Variants in PDE5A observed in about 807,000 individuals in gnomAD.
PDE5A encodes phosphodiesterase 5A.
PDE5A carries 67 observed loss-of-function variants against 110.2 expected under a neutral mutation model. The ratio of observed to expected loss-of-function variants is 0.61; its 90% CI spans 0.50 to 0.75. The LOEUF (loss-of-function observed/expected upper bound fraction) is 0.75. PDE5A is among the 30% of genes least tolerant of loss of function. The pLI is 0.00. For missense variants in PDE5A, 862 were observed against 1,045.1 expected, an observed-to-expected ratio of 0.82 and a Z score of 2.42; for synonymous variants, 328 against 351.2, an observed-to-expected ratio of 0.93 and a Z score of 0.74.
chr4:119,584,517 AAAC>A (rs1369597027), intron 3 of PDE5A, among the ~76,000 whole-genome samples: 10 of 152,324 alleles, frequency 6.6e-5, no homozygotes, highest in African/African-American at 1.9e-4. Flanking sequence ...TCCTGCCTCT[AAAC>A]AAAGTACTCT....
chr4:119,545,606 A>C (rs1727104622), intron 9 of PDE5A, among the ~76,000 whole-genome samples: 1 of 152,208 alleles, frequency 6.6e-6, no homozygotes. Flanking sequence ...TGTGGTCATC[A>C]CAGTAGGTCT....
At chr4:119,515,895 C>G (rs1360091650) in intron 14 of PDE5A, among the ~76,000 whole-genome samples, 1 of 152,144 alleles carries the variant, frequency 6.6e-6, no homozygotes, top group Non-Finnish European at 1.5e-5. Flanking sequence ...GCATTTATTA[C>G]ACACTGCAGT....
At chr4:119,606,627 A>C in intron 2 of PDE5A, 82 bp downstream of exon 2, 1 of 871,734 alleles carries the variant, frequency 1.1e-6, no homozygotes, top group Non-Finnish European at 1.8e-6. Context: ...CATGATTGCT[A>C]TCCAATGCCC....
chr4:119,568,130 C>T lies in PDE5A; in HGVS notation c.832-986G>A, dbSNP rs540846733. ...GTTTTCTAGTCTTCTTAACATTTTT[C>T]TCTCTCTCTCTCTTTTTTTTTTGCC... On this transcript the variant is annotated intron_variant, in intron 3 of 20. Transcript: ENST00000354960. Among the ~76,000 whole-genome samples, 5 of 150,926 alleles carry T rather than the reference C, an allele frequency of 3.3e-5. No individual in the cohort carries two copies. In the East Asian group the frequency reaches 5.8e-4, roughly 18 times the overall value.
In PDE5A at chr4:119,553,409, TTATTAA is replaced by T. The variant is rs545493268; in HGVS notation, c.1308+223_1308+228del. Among the ~76,000 whole-genome samples, 20 of 152,232 alleles carry T rather than the reference TTATTAA, an allele frequency of 1.3e-4. No homozygotes were observed. In the East Asian group the frequency reaches 3.9e-3, roughly 29 times the overall value. The stretch of plus-strand genomic sequence containing the variant: ...ATTACTTCAAAAATAGTACGGTAAC[TTATTAA>T]TAGACATTTAAAAAGGTGAAAAAAG... On this transcript the variant is annotated intron_variant, in intron 8 of 20. Coordinates refer to ENST00000354960, the MANE Select transcript of PDE5A (RefSeq NM_001083.4).
In PDE5A at chr4:119,495,758, A is replaced by G. The variant is rs562679268; in HGVS notation, c.*2843T>C. On this transcript the variant is annotated 3_prime_UTR_variant, in exon 21 of 21. Coordinates refer to ENST00000354960, the MANE Select transcript of PDE5A (RefSeq NM_001083.4). ...TTTGTACCTTGAAGCAATATACTCA[A>G]TGAGCTCTAAATCTCACATTCACTA... 4.4e-4 allele frequency: 67 copies of G among 152,344 alleles called. 1 individual carries two copies. The highest frequency in any genetic ancestry group is 4.4e-3 in the Admixed American group (67 of 15,280). The allele number at this position is 152,344 out of a possible 1,614,324, so 9.4% of individuals were successfully genotyped here. A position where few individuals can be genotyped will look rare whatever the true frequency, so the allele number is the denominator to read the frequency against.
intron 3 of PDE5A, among the ~76,000 whole-genome samples, chr4:119,575,639 G>C (rs1251111585): frequency 1.3e-5 from 2 of 152,168 alleles, no homozygotes; most frequent in Non-Finnish European, 2.9e-5. Flanking sequence ...CAAATGCTGA[G>C]AGATTTTGTC....
At chr4:119,592,230 C>T (rs532640469) in intron 3 of PDE5A, among the ~76,000 whole-genome samples, 6 of 142,058 alleles carry the variant, frequency 4.2e-5, no homozygotes, top group South Asian at 2.2e-4. Context: ...CTGAGGTGGG[C>T]GGATCACAAG....
chr4:119,568,831 A>ATTG (rs969880917), intron 3 of PDE5A, among the ~76,000 whole-genome samples: 14 of 152,224 alleles, frequency 9.2e-5, no homozygotes, highest in African/African-American at 3.4e-4. Context: ...AAAAGTATAC[A>ATTG]TTGATATGCT....
At position 119,552,640 on chromosome 4, in the gene PDE5A, A is replaced by G. The variant is rs1727395641; in HGVS notation, c.1309-3T>C. 3 of 1,494,952 alleles carry G rather than the reference A, an allele frequency of 2.0e-6. No individual in the cohort carries two copies. Among genetic ancestry groups the G allele is most frequent in the Non-Finnish European group, 2.7e-6 (3 of 1,109,876 alleles). The allele number at this position is 1,494,952 out of a possible 1,614,324, so 92.6% of individuals were successfully genotyped here. On this transcript the variant is annotated splice_region_variant and splice_polypyrimidine_tract_variant and intron_variant, in intron 8 of 20. Transcript: ENST00000354960. ...TTTACATTTCCTGTATTTTCAGTCTAAACAAAAATAAAAAGAACAAAACAG... is the reference window on the plus strand; with the variant it reads ...TTTACATTTCCTGTATTTTCAGTCTGAACAAAAATAAAAAGAACAAAACAG...
intron 7 of PDE5A, among the ~76,000 whole-genome samples, chr4:119,559,209 G>A (rs1053200852): frequency 7.9e-5 from 12 of 151,826 alleles, no homozygotes; most frequent in Non-Finnish European, 1.6e-4. Flanking sequence ...ACATTTTTGT[G>A]TTTTTTTAAA....
chr4:119,616,741 TAA>T (rs11324618), intron 1 of PDE5A, among the ~76,000 whole-genome samples: 114 of 149,234 alleles, frequency 7.6e-4, no homozygotes, highest in Middle Eastern at 3.4e-3. Flanking sequence ...TCGTGAATGA[TAA>T]AAAAAAAAAA....
chr4:119,628,754 G>A lies in PDE5A; in HGVS notation c.-83C>T, dbSNP rs748596664. 2 of 1,553,664 alleles carry A rather than the reference G, an allele frequency of 1.3e-6. No homozygotes were observed. Among genetic ancestry groups the A allele is most frequent in the African/African-American group, 1.4e-5 (1 of 73,796 alleles). ...TCCGTCCCTCAGAAGAACAGGACTC[G>A]GCCTCGAGACCCTCCCCCTTCGTCC... On this transcript the variant is annotated 5_prime_UTR_variant, in exon 1 of 21. Transcript: ENST00000354960.
intron 3 of PDE5A, among the ~76,000 whole-genome samples, chr4:119,589,334 G>A (rs1251949773): frequency 2.0e-5 from 3 of 151,828 alleles, no homozygotes; most frequent in Admixed American, 1.3e-4. Flanking sequence ...GGTTATATCA[G>A]TGAAGCCACT....
chr4:119,574,302 C>A (rs570159425), intron 3 of PDE5A, among the ~76,000 whole-genome samples: 1 of 150,730 alleles, frequency 6.6e-6, no homozygotes, highest in Admixed American at 6.7e-5. Flanking sequence ...CCTGCCTCAG[C>A]CTCCTGAGTA....
intron 2 of PDE5A, among the ~76,000 whole-genome samples, chr4:119,597,700 G>C (rs1729200020): frequency 6.6e-6 from 1 of 152,050 alleles, no homozygotes; most frequent in Non-Finnish European, 1.5e-5. Context: ...CTCATCTTTT[G>C]ATGAGCTTTG....
chr4:119,498,048 T>C lies in PDE5A; in HGVS notation c.*553A>G, dbSNP rs1231703172. On this transcript the variant is annotated 3_prime_UTR_variant, in exon 21 of 21. Transcript: ENST00000354960. ...TTTACAATACAGTTTCATAGGACTT[T>C]CCATTTGTTTCAGAGTGCCTTAACT... 1 of 152,336 alleles carries C rather than the reference T, an allele frequency of 6.6e-6. No individual in the cohort carries two copies. Among genetic ancestry groups the C allele is most frequent in the African/African-American group, 2.4e-5 (1 of 41,454 alleles). 9.4% of individuals were successfully genotyped at this position (152,336 alleles called of 1,614,324 possible). A position where few individuals can be genotyped will look rare whatever the true frequency, so the allele number is the denominator to read the frequency against.
At chr4:119,592,075 G>A (rs72920701) in intron 3 of PDE5A, among the ~76,000 whole-genome samples, 70,016 of 146,498 alleles carry the variant, frequency 0.48, 17,081 homozygotes, top group South Asian at 0.64. Flanking sequence ...GCTTGAACCC[G>A]GGAGGCAGAG....
At chr4:119,514,083 C>G (rs1442184298) in intron 14 of PDE5A, among the ~76,000 whole-genome samples, 1 of 152,110 alleles carries the variant, frequency 6.6e-6, no homozygotes, top group Non-Finnish European at 1.5e-5. Flanking sequence ...CCATTTAAAC[C>G]ACTACTGCTA....
Sources: gnomAD v4.1 joint callset for allele counts (sites outside exome capture counted in the v4.1 genomes callset) on GRCh38, gnomAD v4.1.1 for gene constraint, MANE v1.5 for transcripts, NCBI Gene and HGNC (gene_info 2026-07-23, HGNC 2026-07-21) for gene names.